The following C8orf34 variants were observed in gnomAD, a reference collection of about 807,000 sequenced individuals.
C8orf34 encodes chromosome 8 open reading frame 34.
Under a neutral mutation model 68.3 loss-of-function variants are expected in C8orf34, and 65 were observed. That is an observed-to-expected ratio of 0.95 (90% CI 0.78 to 1.17). C8orf34 has a LOEUF of 1.17. C8orf34 is among the 50% of genes most tolerant of loss of function. C8orf34 has a pLI of 0.00. For missense variants in C8orf34, 664 were observed against 655.4 expected, an observed-to-expected ratio of 1.01 and a Z score of -0.14; for synonymous variants, 244 against 241.2, an observed-to-expected ratio of 1.01 and a Z score of -0.11.
intron 1 of C8orf34, among the ~76,000 whole-genome samples, chr8:68,415,647 A>C (rs942938545): frequency 6.6e-6 from 1 of 152,204 alleles, no homozygotes. Flanking sequence ...TTTTTGCCTA[A>C]GCTGAAGATT....
At chr8:68,452,628 T>C (rs1187001444) in intron 3 of C8orf34, among the ~76,000 whole-genome samples, 1 of 150,594 alleles carries the variant, frequency 6.6e-6, no homozygotes, top group Non-Finnish European at 1.5e-5. Flanking sequence ...CTCTTTATTC[T>C]TGAGTTATGA....
At chr8:68,606,792 T>C (rs1817867676) in intron 7 of C8orf34, among the ~76,000 whole-genome samples, 1 of 152,144 alleles carries the variant, frequency 6.6e-6, no homozygotes, top group South Asian at 2.1e-4. Flanking sequence ...GCATAAAATC[T>C]ATTAAACTAA....
chr8:68,642,561 A>G (rs1390144306), intron 8 of C8orf34, among the ~76,000 whole-genome samples: 1 of 152,236 alleles, frequency 6.6e-6, no homozygotes, highest in Non-Finnish European at 1.5e-5. Context: ...TACAGCAATA[A>G]CAATAACCAG....
chr8:68,637,125 T>A (rs764783172), intron 7 of C8orf34, among the ~76,000 whole-genome samples: 2 of 152,116 alleles, frequency 1.3e-5, no homozygotes, highest in Non-Finnish European at 2.9e-5. Flanking sequence ...CCATGACTAG[T>A]GAAAAGAAAA....
At chr8:68,397,989 G>A (rs973508180) in intron 1 of C8orf34, among the ~76,000 whole-genome samples, 2 of 151,968 alleles carry the variant, frequency 1.3e-5, no homozygotes, top group Non-Finnish European at 2.9e-5. Context: ...GGCTGGTCTC[G>A]AACTCCTGGC....
At chr8:68,789,122 T>C (rs914495552) in intron 12 of C8orf34, among the ~76,000 whole-genome samples, 3 of 152,218 alleles carry the variant, frequency 2.0e-5, no homozygotes, top group African/African-American at 7.2e-5. Flanking sequence ...TCTCTCATTC[T>C]AGATTTTGGC....
At chr8:68,526,877 G>A (rs1005855957) in intron 6 of C8orf34, among the ~76,000 whole-genome samples, 7 of 152,158 alleles carry the variant, frequency 4.6e-5, no homozygotes, top group African/African-American at 1.7e-4. Flanking sequence ...TCAGGCCCAC[G>A]AGTGAGACAG....
chr8:68,497,912 T>A (rs913680238), intron 5 of C8orf34, among the ~76,000 whole-genome samples: 4 of 152,150 alleles, frequency 2.6e-5, no homozygotes, highest in African/African-American at 9.7e-5. Flanking sequence ...CACCGCAACC[T>A]CCGCCTCCCG....
intron 1 of C8orf34, among the ~76,000 whole-genome samples, chr8:68,405,722 AAACT>A (rs1233921652): frequency 1.3e-5 from 2 of 152,342 alleles, no homozygotes; most frequent in African/African-American, 4.8e-5. Flanking sequence ...CACTATTAAA[AAACT>A]AACTAAGAAG....
chr8:68,471,737 T>C (rs1586209245), intron 4 of C8orf34, among the ~76,000 whole-genome samples: 1 of 152,252 alleles, frequency 6.6e-6, no homozygotes, highest in African/African-American at 2.4e-5. Flanking sequence ...CTGAAAGTTT[T>C]TAGTGATCTA....
intron 8 of C8orf34, among the ~76,000 whole-genome samples, chr8:68,676,965 C>G (rs939504068): frequency 1.2e-4 from 19 of 152,128 alleles, no homozygotes; most frequent in African/African-American, 4.6e-4. Flanking sequence ...ATGAGAAGAG[C>G]ACGGGAAAGA....
At chr8:68,760,609 C>T (rs1175890603) in intron 10 of C8orf34, among the ~76,000 whole-genome samples, 1 of 152,190 alleles carries the variant, frequency 6.6e-6, no homozygotes, top group Non-Finnish European at 1.5e-5. Context: ...TGCAATATTA[C>T]TTATTAAATT....
At chr8:68,562,483 C>T (rs1816462391) in intron 7 of C8orf34, among the ~76,000 whole-genome samples, 1 of 152,172 alleles carries the variant, frequency 6.6e-6, no homozygotes, top group Non-Finnish European at 1.5e-5. Flanking sequence ...ATTTATCAAC[C>T]TCTGAGATTA....
chr8:68,522,276 A>C (rs755901766), intron 6 of C8orf34, among the ~76,000 whole-genome samples: 25 of 152,198 alleles, frequency 1.6e-4, no homozygotes, highest in Non-Finnish European at 3.2e-4. Flanking sequence ...AATATTGGAC[A>C]GAGAGTGGCT....
At chr8:68,638,201 TTATC>T (rs1563577932) in intron 7 of C8orf34, among the ~76,000 whole-genome samples, 1 of 152,188 alleles carries the variant, frequency 6.6e-6, no homozygotes, top group Non-Finnish European at 1.5e-5. Context: ...TGTAACCAGT[TTATC>T]TGTACCATGA....
chr8:68,535,052 G>A (rs565287861), intron 7 of C8orf34: 1 of 985,358 alleles, frequency 1.0e-6, no homozygotes, highest in South Asian at 4.7e-5. Flanking sequence ...TGGTCTCTAG[G>A]TCATGAGATT....
chr8:68,729,899 A>G (rs535613272), intron 10 of C8orf34, among the ~76,000 whole-genome samples: 5 of 152,134 alleles, frequency 3.3e-5, no homozygotes, highest in Non-Finnish European at 7.4e-5. Context: ...CCAATAAAAC[A>G]TGTTCCAGAT....
intron 7 of C8orf34, among the ~76,000 whole-genome samples, chr8:68,565,075 G>A (rs1420215694): frequency 2.0e-5 from 3 of 152,214 alleles, no homozygotes; most frequent in Non-Finnish European, 4.4e-5. Flanking sequence ...AACAATTGCA[G>A]TGAACTGCTC....
Position 68,468,736 on chromosome 8 carries a change from C to G in C8orf34, c.652C>G (p.Pro218Ala), listed in dbSNP as rs771359309. ...TCCAAAGTGGAACTGGAGGACTAAA[C>G]CACAAAGCCGTGATTTTGATGAATT... ...EHPKWNWRTK[P>A]QSRDFDELNH... Residue 218 changes from proline (P) to alanine (A), a missense_variant, in exon 4 of 14, where the codon CCA (proline) becomes GCA (alanine). Coordinates refer to ENST00000518698, the MANE Select transcript of C8orf34 (RefSeq NM_052958.4). 1 of 1,612,680 alleles carries G rather than the reference C, an allele frequency of 6.2e-7. No homozygotes were observed. Among genetic ancestry groups the G allele is most frequent in the African/African-American group, 1.3e-5 (1 of 74,794 alleles).
Sources: allele counts gnomAD v4.1 joint callset (sites outside exome capture counted in the v4.1 genomes callset), GRCh38; gene constraint gnomAD v4.1.1; transcripts MANE v1.5; gene names NCBI Gene and HGNC (gene_info 2026-07-23, HGNC 2026-07-21).